SREK1: variants seen among roughly 807,000 people sequenced by gnomAD.
SREK1 encodes the protein splicing regulatory glutamic acid and lysine rich protein 1, also known as splicing regulatory glutamine/lysine-rich protein 1.
Under a neutral mutation model 66.5 loss-of-function variants are expected in SREK1, and 13 were observed. That is an observed-to-expected ratio of 0.20 (90% CI 0.13 to 0.31). The LOEUF (loss-of-function observed/expected upper bound fraction) is 0.31. Among genes scored for constraint, SREK1 ranks in the 10% least tolerant of loss-of-function variants. The pLI is 1.00. For missense variants in SREK1, 607 were observed against 769.6 expected, an observed-to-expected ratio of 0.79 and a Z score of 2.50; for synonymous variants, 265 against 263.5, an observed-to-expected ratio of 1.01 and a Z score of -0.05.
At chr5:66,149,028 CTTTAT>C (rs1390600371) in intron 1 of SREK1, among the ~76,000 whole-genome samples, 1 of 152,150 alleles carries the variant, frequency 6.6e-6, no homozygotes, top group East Asian at 1.9e-4. Context: ...GTAAGTTGGT[CTTTAT>C]TTTAAGGAAG....
chr5:66,166,125 A>G (rs1745155000), intron 7 of SREK1: 1 of 152,334 alleles, frequency 6.6e-6, no homozygotes, highest in Non-Finnish European at 1.5e-5. Context: ...AGAGGCCAGA[A>G]TCAGGAAAGG....
chr5:66,161,373 G>A (rs1744751496), intron 3 of SREK1, among the ~76,000 whole-genome samples: 2 of 152,152 alleles, frequency 1.3e-5, no homozygotes, highest in Admixed American at 6.5e-5. Flanking sequence ...TGAAAAATTG[G>A]GGTTTGTCTA....
At chr5:66,147,051 C>T (rs897119431) in intron 1 of SREK1, among the ~76,000 whole-genome samples, 1 of 151,870 alleles carries the variant, frequency 6.6e-6, no homozygotes. Context: ...AGACCCCTAT[C>T]TCTTAAAAAA....
chr5:66,157,303 G>A, intron 2 of SREK1: 2 of 984,524 alleles, frequency 2.0e-6, no homozygotes, highest in Non-Finnish European at 2.4e-6. Flanking sequence ...GGCCAGTGTT[G>A]AATACCCTTT....
chr5:66,174,437 C>T (rs1403583092), intron 9 of SREK1, among the ~76,000 whole-genome samples: 1 of 151,964 alleles, frequency 6.6e-6, no homozygotes, highest in Non-Finnish European at 1.5e-5. Flanking sequence ...AATGTAAATG[C>T]TTTTTAAGTA....
intron 2 of SREK1, chr5:66,157,569 G>C: frequency 1.0e-6 from 1 of 968,722 alleles, no homozygotes; most frequent in Non-Finnish European, 1.2e-6. Flanking sequence ...TAGTGTATAT[G>C]TGGGTATATA....
chr5:66,181,624 G>C lies in SREK1; in HGVS notation c.*2756G>C, dbSNP rs1746493919. 6.6e-6 allele frequency: 1 copy of C among 152,140 alleles called. No individual in the cohort carries two copies. Among genetic ancestry groups the C allele is most frequent in the Admixed American group, 6.6e-5 (1 of 15,260 alleles). The allele number at this position is 152,140 out of a possible 1,614,324, so 9.4% of individuals were successfully genotyped here. On this transcript the variant is annotated 3_prime_UTR_variant, in exon 12 of 12. Transcript: ENST00000334121. Reference sequence around the variant, plus strand: ...CCTTTCAGCAACGTATGCTGAACTAGTATCATAAGATGGTGCATCAGTTCA... The same window carrying C: ...CCTTTCAGCAACGTATGCTGAACTACTATCATAAGATGGTGCATCAGTTCA...
chr5:66,151,329 A>G (rs112348781), intron 1 of SREK1, among the ~76,000 whole-genome samples: 1,912 of 152,282 alleles, frequency 0.013, 44 homozygotes, highest in African/African-American at 0.043. Context: ...TTCTGCTCAT[A>G]TTTAACTGAC....
At chr5:66,161,418 C>G (rs908757480) in intron 3 of SREK1, among the ~76,000 whole-genome samples, 2 of 152,166 alleles carry the variant, frequency 1.3e-5, no homozygotes, top group Non-Finnish European at 2.9e-5. Context: ...TGTTTTGGCA[C>G]TCAGGCAGTA....
At position 66,155,139 on chromosome 5, in the gene SREK1, A is replaced by G. The variant is rs138934531; in HGVS notation, c.295+1543A>G. Among the ~76,000 whole-genome samples the G allele has an allele frequency of 6.0e-4, 91 of 152,232 alleles. 1 individual carries two copies. Among genetic ancestry groups the G allele is most frequent in the African/African-American group, 2.0e-3 (84 of 41,552 alleles). ...GAGAAGCCCTACTGTATTTTGTTAT[A>G]AATGTTCAAGATGATGGGCGTGTAG... On this transcript the variant is annotated intron_variant, in intron 2 of 11. Coordinates refer to ENST00000334121, the MANE Select transcript of SREK1 (RefSeq NM_001077199.3).
intron 6 of SREK1, chr5:66,164,505 A>G: frequency 8.4e-7 from 1 of 1,186,106 alleles, no homozygotes; most frequent in Admixed American, 2.3e-5. Context: ...ACTTAAAATC[A>G]CTGTCACAGG....
intron 8 of SREK1, 21 bp from the exon 9 acceptor site, chr5:66,170,564 T>C (rs771545727): frequency 3.6e-5 from 57 of 1,573,618 alleles, no homozygotes; most frequent in South Asian, 3.5e-4. Context: ...GTTATGAATT[T>C]ATTTATTTTT....
At position 66,179,799 on chromosome 5, in the gene SREK1, A is replaced by G. The variant is rs1332102033; in HGVS notation, c.*931A>G. On this transcript the variant is annotated 3_prime_UTR_variant, in exon 12 of 12. Coordinates refer to ENST00000334121, the MANE Select transcript of SREK1 (RefSeq NM_001077199.3). ...GGTATACTGTTTTCTAGAATTTTATATGTGCTAGTCATTCTCAATTCATAT... is the reference window on the plus strand; with the variant it reads ...GGTATACTGTTTTCTAGAATTTTATGTGTGCTAGTCATTCTCAATTCATAT... The G allele has an allele frequency of 6.6e-6, 1 of 152,534 alleles. No individual in the cohort carries two copies. Among genetic ancestry groups the G allele is most frequent in the Non-Finnish European group, 1.5e-5 (1 of 67,956 alleles). The allele number at this position is 152,534 out of a possible 1,614,324, so 9.4% of individuals were successfully genotyped here.
chr5:66,164,585 C>T, intron 6 of SREK1, 198 bp from the exon 7 acceptor site: 2 of 1,513,088 alleles, frequency 1.3e-6, no homozygotes, highest in Non-Finnish European at 8.8e-7. Flanking sequence ...TTATAATCAT[C>T]TGGTTTATAT....
In SREK1 at chr5:66,162,544, C is replaced by T; in HGVS notation, c.707C>T (p.Pro236Leu). The change falls in exon 5 of 12, where the codon CCA becomes CTA. Residue 236 changes from proline to leucine, a missense_variant. Around this residue, in one of 5 missense-constraint regions of SREK1, gnomAD observed 112 missense variants for 168.6 expected, o/e 0.66. Transcript: ENST00000334121. The part of the protein sequence containing the change: ...FVEFADQNSV[P>L]RALAFNGVMF... The stretch of plus-strand genomic sequence containing the variant: ...GAATTTGCAGACCAAAATTCTGTAC[C>T]AAGGGCCCTTGCTTTTAATGGAGTT... 1 of 1,613,910 alleles carries T rather than the reference C, an allele frequency of 6.2e-7. No homozygotes were observed. Among genetic ancestry groups the T allele is most frequent in the East Asian group, 2.2e-5 (1 of 44,878 alleles).
At chr5:66,170,285 A>G in intron 8 of SREK1, 115 bp downstream of exon 8, 1 of 1,311,026 alleles carries the variant, frequency 7.6e-7, no homozygotes, top group South Asian at 1.6e-5. Flanking sequence ...TTAGGTTTTT[A>G]ATGAGAGAAA....
intron 7 of SREK1, chr5:66,165,558 T>A (rs1745101932): frequency 6.6e-6 from 1 of 152,238 alleles, no homozygotes; most frequent in African/African-American, 2.4e-5. Flanking sequence ...TTGTCTTTGG[T>A]ATAAAGGGGA....
At chr5:66,174,652 T>C (rs2112098415) in intron 9 of SREK1, 1 of 216,798 alleles carries the variant, frequency 4.6e-6, no homozygotes, top group South Asian at 1.4e-4. Flanking sequence ...GCCATTAATA[T>C]TTTTTCTACT....
At chr5:66,164,739 T>C (rs1220191275) in intron 6 of SREK1, 44 bp from the exon 7 acceptor site, 1 of 1,613,500 alleles carries the variant, frequency 6.2e-7, no homozygotes, top group Admixed American at 1.7e-5. Context: ...CTGGGATCTT[T>C]AATTGTTCTG....
Sources: gnomAD v4.1 joint callset for allele counts (sites outside exome capture counted in the v4.1 genomes callset) on GRCh38, gnomAD v4.1.1 for gene constraint, gnomAD v4.1.1 regional missense constraint, MANE v1.5 for transcripts, NCBI Gene and HGNC (gene_info 2026-07-23, HGNC 2026-07-21) for gene names.